Variants in SIL1 observed in about 807,000 individuals in gnomAD.
SIL1 encodes the protein nucleotide exchange factor SIL1.
SIL1 carries 40 observed loss-of-function variants against 49.1 expected under a neutral mutation model. The ratio of observed to expected loss-of-function variants is 0.81; its 90% CI spans 0.63 to 1.06. SIL1 has a LOEUF of 1.06. Among genes scored for constraint, SIL1 ranks in the 50% least tolerant of loss-of-function variants. The pLI, the probability that SIL1 is intolerant of heterozygous loss-of-function variation, is 0.00. For missense variants in SIL1, 500 were observed against 572.6 expected (o/e 0.87, Z 1.29); for synonymous variants, 253 against 250.8 (o/e 1.01, Z -0.08).
chr5:139,023,533 C>T (rs749487589), intron 6 of SIL1, among the ~76,000 whole-genome samples: 1 of 152,154 alleles, frequency 6.6e-6, no homozygotes, highest in Non-Finnish European at 1.5e-5. Context: ...GGACGGAGGC[C>T]GCTCCTCATA....
At chr5:138,980,466 G>A (rs548059231) in intron 7 of SIL1, among the ~76,000 whole-genome samples, 1 of 152,270 alleles carries the variant, frequency 6.6e-6, no homozygotes, top group East Asian at 1.9e-4. Context: ...GAGACAAGCA[G>A]GGGTCCAAAA....
chr5:139,020,437 T>C (rs1266293914), intron 7 of SIL1, among the ~76,000 whole-genome samples: 1 of 152,228 alleles, frequency 6.6e-6, no homozygotes, highest in Non-Finnish European at 1.5e-5. Context: ...TCTAATAGCC[T>C]CCACCCATGC....
intron 7 of SIL1, among the ~76,000 whole-genome samples, chr5:138,983,955 G>A (rs1317741497): frequency 6.6e-6 from 1 of 152,196 alleles, no homozygotes. Context: ...CACAAGTAGT[G>A]TGTGTCATCC....
chr5:138,946,817 G>A lies in SIL1; in HGVS notation c.*300C>T. 1 of 469,504 alleles carries A rather than the reference G, an allele frequency of 2.1e-6. No individual in the cohort carries two copies. Among genetic ancestry groups the A allele is most frequent in the Non-Finnish European group, 3.9e-6 (1 of 254,072 alleles). The allele number at this position is 469,504 out of a possible 1,614,324, so 29.1% of individuals were successfully genotyped here. ...TTCCCAAGGTACAGAGCTGCTGCTT[G>A]GTAAGAAGCAGAGACTTGCAACTCC... is the stretch of plus-strand genomic sequence containing the variant. On this transcript the variant is annotated 3_prime_UTR_variant, in exon 10 of 10. Coordinates refer to ENST00000394817, the MANE Select transcript of SIL1 (RefSeq NM_022464.5).
rs1766644294 is a variant in SIL1 at position 138,947,049 on chromosome 5, G to A, written c.*68C>T. ...ACTGCCAAGATGTCCTCCTGCCTGA[G>A]AAGCCCACCCACGCTGGCACCCCTC... On this transcript the variant is annotated 3_prime_UTR_variant, in exon 10 of 10. Coordinates refer to ENST00000394817, the MANE Select transcript of SIL1 (RefSeq NM_022464.5). The surrounding 1 kb of genome is among the most constrained non-coding windows in gnomAD (Gnocchi z 4.1). 7.9e-7 allele frequency: 1 copy of A among 1,264,340 alleles called. No individual in the cohort carries two copies. The highest frequency in any genetic ancestry group is 1.3e-5 in the South Asian group (1 of 79,680). 78.3% of individuals were successfully genotyped at this position (1,264,340 alleles called of 1,614,324 possible).
chr5:139,056,709 C>T (rs1194682249), intron 3 of SIL1, among the ~76,000 whole-genome samples: 2 of 151,232 alleles, frequency 1.3e-5, no homozygotes, highest in Non-Finnish European at 3.0e-5. Flanking sequence ...CGTCAGCCCC[C>T]CGCCCGGCCA....
chr5:139,121,543 A>G (rs1334034713), intron 2 of SIL1, among the ~76,000 whole-genome samples: 1 of 152,156 alleles, frequency 6.6e-6, no homozygotes, highest in African/African-American at 2.4e-5. Context: ...GATGTTTAAA[A>G]CTCGCACATA....
At chr5:139,161,355 C>A (rs1751509684) in intron 1 of SIL1, among the ~76,000 whole-genome samples, 1 of 152,056 alleles carries the variant, frequency 6.6e-6, no homozygotes, top group African/African-American at 2.4e-5. Context: ...CATTTGAGAG[C>A]CGTATAGTGA....
intron 3 of SIL1, among the ~76,000 whole-genome samples, chr5:139,105,491 A>G (rs1359574990): frequency 1.3e-5 from 2 of 152,240 alleles, no homozygotes; most frequent in African/African-American, 4.8e-5. Flanking sequence ...TGTTACCAGA[A>G]ATTCTAAATG....
intron 3 of SIL1, among the ~76,000 whole-genome samples, chr5:139,111,598 C>T (rs1288099184): frequency 2.6e-5 from 4 of 152,158 alleles, no homozygotes; most frequent in Admixed American, 2.0e-4. Context: ...ACCATGGTAT[C>T]CCTGGCATCA....
intron 7 of SIL1, among the ~76,000 whole-genome samples, chr5:138,983,365 A>G (rs1225078549): frequency 6.6e-6 from 1 of 150,994 alleles, no homozygotes; most frequent in Non-Finnish European, 1.5e-5. Context: ...AAAATTAGCC[A>G]GGCGTGGTGG....
chr5:139,092,419 G>A (rs904493685), intron 3 of SIL1, among the ~76,000 whole-genome samples: 4 of 152,146 alleles, frequency 2.6e-5, no homozygotes, highest in Admixed American at 6.5e-5. Context: ...TATTTAAATC[G>A]TTTTAAGAAA....
At chr5:139,197,230 T>C (rs904136468) in intron 1 of SIL1, among the ~76,000 whole-genome samples, 6 of 138,908 alleles carry the variant, frequency 4.3e-5, no homozygotes, top group Non-Finnish European at 9.0e-5. Context: ...ATGGCACCAT[T>C]GCACTCCAGC....
Position 139,092,125 on chromosome 5 carries a change from T to C in SIL1, c.244+28910A>G, listed in dbSNP as rs1581093441. 4.6e-5 allele frequency among the ~76,000 whole-genome samples: 7 copies of C among 152,316 alleles called. No individual in the cohort carries two copies. In the South Asian group the frequency reaches 1.2e-3, roughly 27 times the overall value. Reference sequence around the variant, plus strand: ...AAAAAGGTCAAGGAGGGGAAACCCCTGGCAGGCTGCATCGCTGGTACTGAT... The same window carrying C: ...AAAAAGGTCAAGGAGGGGAAACCCCCGGCAGGCTGCATCGCTGGTACTGAT... On this transcript the variant is annotated intron_variant, in intron 3 of 9. Coordinates refer to ENST00000394817, the MANE Select transcript of SIL1 (RefSeq NM_022464.5).
chr5:139,136,603 T>C (rs189735547), intron 1 of SIL1, among the ~76,000 whole-genome samples: 48 of 152,212 alleles, frequency 3.2e-4, no homozygotes, highest in Non-Finnish European at 5.4e-4. Flanking sequence ...AAAATCCAGT[T>C]GTAGGCAACA....
In SIL1 at chr5:138,946,892, G is replaced by C; in HGVS notation, c.*225C>G. ...CCTGTTCCTGGATGCCCTGGGCTGA[G>C]CCCTGCACGTCAGCAGAGCCCATCA... On this transcript the variant is annotated 3_prime_UTR_variant, in exon 10 of 10. Coordinates refer to ENST00000394817, the MANE Select transcript of SIL1 (RefSeq NM_022464.5). 1 of 582,572 alleles carries C rather than the reference G, an allele frequency of 1.7e-6. No individual in the cohort carries two copies. Among genetic ancestry groups the C allele is most frequent in the South Asian group, 1.9e-5 (1 of 51,400 alleles). The allele number at this position is 582,572 out of a possible 1,614,324, so 36.1% of individuals were successfully genotyped here.
At chr5:139,129,309 C>CA (rs1314053228) in intron 1 of SIL1, among the ~76,000 whole-genome samples, 11 of 152,160 alleles carry the variant, frequency 7.2e-5, no homozygotes, top group Admixed American at 5.2e-4. Flanking sequence ...CAATTTTTGA[C>CA]AATGGTACCA....
intron 7 of SIL1, among the ~76,000 whole-genome samples, chr5:138,955,541 A>C (rs1766883641): frequency 6.6e-6 from 1 of 152,208 alleles, no homozygotes; most frequent in Non-Finnish European, 1.5e-5. Flanking sequence ...AGCTAACTGA[A>C]GCTAAGCAAG....
intron 7 of SIL1, among the ~76,000 whole-genome samples, chr5:138,957,057 T>C (rs1319236916): frequency 1.3e-5 from 2 of 151,782 alleles, no homozygotes. Flanking sequence ...TAACAGCAAC[T>C]CACAAGAGGG....
Sources: gnomAD v4.1 joint callset for allele counts (sites outside exome capture counted in the v4.1 genomes callset) on GRCh38, gnomAD v4.1.1 for gene constraint, Gnocchi (gnomAD v3.1) non-coding constraint, MANE v1.5 for transcripts, NCBI Gene and HGNC (gene_info 2026-07-23, HGNC 2026-07-21) for gene names.